The following CCDC171 variants were observed in gnomAD, a reference collection of about 807,000 sequenced individuals.
The protein encoded by CCDC171 is coiled-coil domain-containing protein 171.
A neutral mutation model predicts 168.2 loss-of-function variants in CCDC171; 177 were observed. The observed-to-expected ratio is 1.05, with a 90% confidence interval of 0.93 to 1.19. The LOEUF (loss-of-function observed/expected upper bound fraction) is 1.19, where lower values mean the gene tolerates loss of function less well. Ranked by LOEUF, CCDC171 falls within the 50% of genes most tolerant of loss-of-function variation. The pLI is 0.00. For missense variants in CCDC171, 1,991 were observed against 1,539.0 expected (o/e 1.29, Z -4.91); for synonymous variants, 687 against 540.8 (o/e 1.27, Z -3.75).
At chr9:15,557,186 C>A (rs1242032813) in intron 1 of CCDC171, among the ~76,000 whole-genome samples, 1 of 152,098 alleles carries the variant, frequency 6.6e-6, no homozygotes, top group Non-Finnish European at 1.5e-5. Flanking sequence ...ATGCCTCCAG[C>A]TTTGTTCTTT....
At chr9:15,851,286 A>G (rs1400594947) in intron 23 of CCDC171, among the ~76,000 whole-genome samples, 1 of 151,898 alleles carries the variant, frequency 6.6e-6, no homozygotes, top group Non-Finnish European at 1.5e-5. Context: ...CTACTATTTA[A>G]TAAGGAAGGT....
At chr9:15,998,154 C>G (rs1046323890) in intron 3 of CCDC171, among the ~76,000 whole-genome samples, 5 of 152,170 alleles carry the variant, frequency 3.3e-5, no homozygotes, top group Non-Finnish European at 7.3e-5. Flanking sequence ...ACAAATGGAG[C>G]CACCCCTGCT....
At chr9:15,901,277 C>T (rs2131633194) in intron 24 of CCDC171, among the ~76,000 whole-genome samples, 1 of 152,222 alleles carries the variant, frequency 6.6e-6, no homozygotes, top group South Asian at 2.1e-4. Context: ...GAATACATGT[C>T]ACTATACATT....
At chr9:16,011,611 C>T (rs1379833088) in intron 3 of CCDC171, among the ~76,000 whole-genome samples, 6 of 152,094 alleles carry the variant, frequency 3.9e-5, no homozygotes, top group African/African-American at 9.7e-5. Flanking sequence ...CAGCCACTGT[C>T]ACCTTTTCTG....
chr9:15,934,328 T>A (rs1826856823), intron 25 of CCDC171, among the ~76,000 whole-genome samples: 1 of 144,908 alleles, frequency 6.9e-6, no homozygotes. Context: ...AATTGAAGGC[T>A]GCAGTGAGCT....
intron 21 of CCDC171, among the ~76,000 whole-genome samples, chr9:15,823,187 G>T (rs1454017499): frequency 6.6e-6 from 1 of 151,968 alleles, no homozygotes; most frequent in Non-Finnish European, 1.5e-5. Context: ...TTTGTTGTGG[G>T]GTGGGAGGGA....
At chr9:15,773,590 C>G (rs148933840) in intron 18 of CCDC171, among the ~76,000 whole-genome samples, 37 of 152,168 alleles carry the variant, frequency 2.4e-4, no homozygotes, top group African/African-American at 8.4e-4. Context: ...TTAAATGTAA[C>G]AAGCCAAACA....
chr9:15,910,703 C>A (rs954092570), intron 24 of CCDC171, among the ~76,000 whole-genome samples: 2 of 152,052 alleles, frequency 1.3e-5, no homozygotes, highest in Non-Finnish European at 2.9e-5. Flanking sequence ...CCTAGCCCCC[C>A]ACCCCACAAC....
intron 10 of CCDC171, among the ~76,000 whole-genome samples, chr9:15,686,825 C>G (rs1037768497): frequency 3.3e-5 from 5 of 152,100 alleles, no homozygotes; most frequent in African/African-American, 4.8e-5. Flanking sequence ...GCTTCAGTAC[C>G]CCACTTGCAG....
At chr9:15,554,453 A>G (rs2038618208) in intron 1 of CCDC171, among the ~76,000 whole-genome samples, 1 of 152,196 alleles carries the variant, frequency 6.6e-6, no homozygotes, top group Non-Finnish European at 1.5e-5. Flanking sequence ...GATGAAGGGC[A>G]TAGTCTTAGT....
At chr9:16,104,810 G>C in the CCDC171 span, among the ~76,000 whole-genome samples, 2 of 151,834 alleles carry the variant, frequency 1.3e-5, no homozygotes, top group Non-Finnish European at 2.9e-5. Flanking sequence ...ACTTGAGAGA[G>C]AATGATGACC....
At chr9:15,930,458 C>T (rs1826378141) in intron 25 of CCDC171, among the ~76,000 whole-genome samples, 1 of 151,212 alleles carries the variant, frequency 6.6e-6, no homozygotes, top group Non-Finnish European at 1.5e-5. Flanking sequence ...TTCTTTTCAA[C>T]ATACCACTTA....
intron 16 of CCDC171, among the ~76,000 whole-genome samples, chr9:15,738,661 C>G (rs1391219964): frequency 1.3e-5 from 2 of 151,906 alleles, no homozygotes; most frequent in Non-Finnish European, 2.9e-5. Flanking sequence ...GCTGTTTCCA[C>G]CCTTACAATC....
At chr9:15,975,446 G>A (rs546711085), downstream of CCDC171, among the ~76,000 whole-genome samples, 9 of 152,260 alleles carry the variant, frequency 5.9e-5, no homozygotes, top group East Asian at 1.5e-3. Context: ...TTGAAATCTA[G>A]ATTTCTTATG....
rs920717287 is a variant in CCDC171 at position 15,553,307 on chromosome 9, C to A, written c.-112+5C>A. On this transcript the variant is annotated splice_donor_5th_base_variant and intron_variant, in intron 1 of 25. Transcript: ENST00000380701. ...GGATCACGCGAGACCCCTGAGGTAACCGCACGGTGTGGGGGCTTCGAGGCG... is the reference window on the plus strand; with the variant it reads ...GGATCACGCGAGACCCCTGAGGTAAACGCACGGTGTGGGGGCTTCGAGGCG... 3 of 152,304 alleles carry A rather than the reference C, an allele frequency of 2.0e-5. No individual in the cohort carries two copies. The highest frequency in any genetic ancestry group is 7.2e-5 in the African/African-American group (3 of 41,402). The allele number at this position is 152,304 out of a possible 1,614,324, so 9.4% of individuals were successfully genotyped here. A position where few individuals can be genotyped will look rare whatever the true frequency, so the allele number is the denominator to read the frequency against.
intron 21 of CCDC171, among the ~76,000 whole-genome samples, chr9:15,823,991 A>C (rs918897293): frequency 3.3e-5 from 5 of 152,160 alleles, no homozygotes; most frequent in Non-Finnish European, 7.4e-5. Flanking sequence ...AGAAAACTTA[A>C]TAGCATTGAA....
At chr9:15,723,307 T>C (rs953104545) in intron 12 of CCDC171, among the ~76,000 whole-genome samples, 8 of 152,200 alleles carry the variant, frequency 5.3e-5, no homozygotes, top group African/African-American at 1.7e-4. Flanking sequence ...CTCTGTTCTT[T>C]TTTATTTACT....
chr9:16,030,237 T>G (rs1190870797), intron 6 of CCDC171, among the ~76,000 whole-genome samples: 2 of 152,162 alleles, frequency 1.3e-5, no homozygotes, highest in African/African-American at 4.8e-5. Flanking sequence ...GTAATTTCAG[T>G]TACTCTTTAT....
At chr9:15,998,656 T>A (rs1038663250) in intron 3 of CCDC171, among the ~76,000 whole-genome samples, 1 of 152,222 alleles carries the variant, frequency 6.6e-6, no homozygotes, top group Non-Finnish European at 1.5e-5. Context: ...CGGTAGTAAC[T>A]AGATCAGGCT....
Sources: allele counts gnomAD v4.1 joint callset (sites outside exome capture counted in the v4.1 genomes callset), GRCh38; gene constraint gnomAD v4.1.1; transcripts MANE v1.5; gene names NCBI Gene and HGNC (gene_info 2026-07-23, HGNC 2026-07-21).